Variants in AK9 observed in about 807,000 individuals in gnomAD.
AK9 encodes the protein adenylate kinase 9.
Under a neutral mutation model 239.6 loss-of-function variants are expected in AK9, and 191 were observed. The observed-to-expected ratio is 0.80, with a 90% CI of 0.71 to 0.90. The LOEUF is 0.90. Among genes scored for constraint, AK9 ranks in the 40% least tolerant of loss-of-function variants. The pLI, the probability that AK9 is intolerant of heterozygous loss-of-function variation, is 0.00. For synonymous variants in AK9, 689 were observed against 721.0 expected (o/e 0.96, Z 0.71); for missense variants, 1,995 against 2,214.7 (o/e 0.90, Z 1.99).
chr6:109,588,539 A>C (rs1789820554), intron 17 of AK9, among the ~76,000 whole-genome samples: 1 of 152,142 alleles, frequency 6.6e-6, no homozygotes, highest in African/African-American at 2.4e-5. Context: ...CTTCCATTAC[A>C]TAGATTCTCT....
In AK9 at chr6:109,640,577, AT is replaced by A. The variant is rs60569476; in HGVS notation, c.933+940del. Among the ~76,000 whole-genome samples, 1,229 of 149,492 alleles carry A rather than the reference AT, an allele frequency of 8.2e-3. 20 individuals are homozygous for A. Among genetic ancestry groups the A allele is most frequent in the African/African-American group, 0.028 (1,145 of 40,790 alleles). ...TTGGCCATCTTGGAACTCCACCCCAATTTTTTTTTTTTTTTATTTTTTGTAG... is the reference window on the plus strand; with the variant it reads ...TTGGCCATCTTGGAACTCCACCCCAATTTTTTTTTTTTTTATTTTTTGTAG... On this transcript the variant is annotated intron_variant, in intron 10 of 40. Transcript: ENST00000424296.
At chr6:109,680,956 C>T (rs1017859172) in intron 1 of AK9, among the ~76,000 whole-genome samples, 3 of 152,188 alleles carry the variant, frequency 2.0e-5, no homozygotes, top group South Asian at 2.1e-4. Context: ...AGGCACTAAA[C>T]GTGGAAAGGA....
At position 109,493,267 on chromosome 6, in the gene AK9, A is replaced by G. The variant is rs536992221; in HGVS notation, c.*102T>C. Reference sequence around the variant, plus strand: ...GCCATGGTACCTTGCTCAGGAGGCAAAAGTACTTCCAAGAGGCCCAGATTT... The same window carrying G: ...GCCATGGTACCTTGCTCAGGAGGCAGAAGTACTTCCAAGAGGCCCAGATTT... On this transcript the variant is annotated 3_prime_UTR_variant, in exon 41 of 41. Transcript: ENST00000424296. 128 of 1,259,418 alleles carry G rather than the reference A, an allele frequency of 1.0e-4. No homozygotes were observed. Among genetic ancestry groups the G allele is most frequent in the South Asian group, 7.3e-4 (52 of 71,178 alleles). 78.0% of individuals were successfully genotyped at this position (1,259,418 alleles called of 1,614,324 possible).
At chr6:109,616,405 C>CT (rs553775757) in intron 13 of AK9, among the ~76,000 whole-genome samples, 29 of 147,066 alleles carry the variant, frequency 2.0e-4, no homozygotes, top group South Asian at 4.3e-4. Context: ...TTTTTTCTTT[C>CT]TTTTTTTTTT....
At chr6:109,604,167 G>A (rs1005146546) in intron 17 of AK9, among the ~76,000 whole-genome samples, 58 of 152,254 alleles carry the variant, frequency 3.8e-4, no homozygotes, top group African/African-American at 1.3e-3. Context: ...CGTCATTCAC[G>A]CTGGGAGCTG....
At chr6:109,595,818 AG>A (rs1210969162) in intron 17 of AK9, among the ~76,000 whole-genome samples, 6 of 152,148 alleles carry the variant, frequency 3.9e-5, no homozygotes, top group African/African-American at 1.4e-4. Flanking sequence ...ACATGGACAC[AG>A]GGAGGGGAAC....
intron 27 of AK9, among the ~76,000 whole-genome samples, chr6:109,537,561 T>G (rs924420795): frequency 1.4e-5 from 2 of 139,730 alleles, no homozygotes; most frequent in African/African-American, 5.0e-5. Context: ...AAGCAGCTCT[T>G]GGATTCACTG....
Position 109,537,526 on chromosome 6 carries a change from T to TC in AK9, c.3351-4057dup, listed in dbSNP as rs1386075885. 2.2e-5 allele frequency among the ~76,000 whole-genome samples: 3 copies of TC among 138,958 alleles called. 1 individual carries two copies. Among genetic ancestry groups the TC allele is most frequent in the Non-Finnish European group, 4.9e-5 (3 of 60,854 alleles). 91.2% of individuals were successfully genotyped at this position (138,958 alleles called of 152,430 possible). On this transcript the variant is annotated intron_variant, in intron 27 of 40. Coordinates refer to ENST00000424296, the MANE Select transcript of AK9 (RefSeq NM_001145128.3). ...CTTCATTAGTCTTGCTAGCAGTCTA[T>TC]CAATTTTGTTGATCTTTTCAAAAAA...
intron 17 of AK9, among the ~76,000 whole-genome samples, chr6:109,589,207 G>A (rs1483257061): frequency 6.6e-6 from 1 of 152,090 alleles, no homozygotes; most frequent in Non-Finnish European, 1.5e-5. Flanking sequence ...TCTGATCCAT[G>A]AACATGGTAT....
At chr6:109,528,752 C>T (rs774248642) in intron 29 of AK9, 18 of 566,978 alleles carry the variant, frequency 3.2e-5, no homozygotes, top group South Asian at 2.7e-4. Flanking sequence ...CCTTGTTTGG[C>T]TGGACATTTT....
chr6:109,572,873 G>A lies in AK9; in HGVS notation c.2344+569C>T, dbSNP rs144417307. Among the ~76,000 whole-genome samples the A allele has an allele frequency of 2.2e-4, 34 of 152,244 alleles. No individual in the cohort carries two copies. In the East Asian group the frequency reaches 3.9e-3, roughly 17 times the overall value. On this transcript the variant is annotated intron_variant, in intron 21 of 40. Transcript: ENST00000424296. ...TTAAGCCCACTCTCTAGTCCTTGGAGTGGTTTTCATTGCCTATAGACTCCT... is the reference window on the plus strand; with the variant it reads ...TTAAGCCCACTCTCTAGTCCTTGGAATGGTTTTCATTGCCTATAGACTCCT...
intron 12 of AK9, among the ~76,000 whole-genome samples, chr6:109,620,595 C>T: frequency 6.6e-6 from 1 of 151,848 alleles, no homozygotes; most frequent in South Asian, 2.1e-4. Flanking sequence ...ATTTACAGAT[C>T]CCTATATTCC....
intron 17 of AK9, among the ~76,000 whole-genome samples, chr6:109,587,273 A>G (rs1486528996): frequency 6.6e-6 from 1 of 152,230 alleles, no homozygotes. Flanking sequence ...TTTTGAAACA[A>G]ATTTTCAAAC....
intron 27 of AK9, among the ~76,000 whole-genome samples, chr6:109,536,312 A>C (rs559573509): frequency 6.6e-6 from 1 of 152,144 alleles, no homozygotes; most frequent in African/African-American, 2.4e-5. Flanking sequence ...CTCCTTGAAG[A>C]GGTCCTTCAC....
At chr6:109,565,487 T>TAAA (rs752477568) in intron 21 of AK9, among the ~76,000 whole-genome samples, 67,485 of 145,460 alleles carry the variant, frequency 0.46, 15,914 homozygotes, top group South Asian at 0.58. Flanking sequence ...AAAAAAAAAT[T>TAAA]TTTTTTCAAG....
rs549294083 is a variant in AK9, at chr6:109,509,271, A to G, written c.4389T>C (p.Asn1463=). ...HPETELALML[N]WHLHKGMTAP... Reference sequence around the variant, plus strand: ...CTGTCATTCCTTTATGAAGATGCCAATTTAACATAAGTGCCAGCTCTGTTT... The same window carrying G: ...CTGTCATTCCTTTATGAAGATGCCAGTTTAACATAAGTGCCAGCTCTGTTT... Residue 1463 remains asparagine, a synonymous_variant, in exon 33 of 41, where the codon AAT becomes AAC. Transcript: ENST00000424296. 7 of 1,551,978 alleles carry G rather than the reference A, an allele frequency of 4.5e-6. No homozygotes were observed. Among genetic ancestry groups the G allele is most frequent in the African/African-American group, 2.7e-5 (2 of 73,164 alleles).
intron 12 of AK9, among the ~76,000 whole-genome samples, chr6:109,626,348 C>T (rs1454751694): frequency 6.6e-6 from 1 of 152,064 alleles, no homozygotes; most frequent in African/African-American, 2.4e-5. Flanking sequence ...GTAACGTTTT[C>T]CTGTTTCTTT....
chr6:109,521,139 T>C (rs1439486972), intron 29 of AK9, among the ~76,000 whole-genome samples: 3 of 152,126 alleles, frequency 2.0e-5, no homozygotes, highest in Non-Finnish European at 4.4e-5. Context: ...AGCCACATAG[T>C]ATTTCATAGT....
chr6:109,494,029 A>G lies in AK9; in HGVS notation c.5485T>C (p.Leu1829=), dbSNP rs1362264495. The change falls in exon 40 of 41, where the codon TTA becomes CTA. Residue 1829 remains leucine, a synonymous_variant. Transcript: ENST00000424296. ...AGCAGTGCAGATCTCCTTATACTTA[A>G]AAAGGGGAACTTGGGCTTTAAGCAT... The part of the protein sequence containing the change: ...AGCLKPKFPF[L]SIRRSALLYI... 2.5e-6 allele frequency: 4 copies of G among 1,613,428 alleles called. No homozygotes were observed. Among genetic ancestry groups the G allele is most frequent in the Middle Eastern group, 3.3e-4 (2 of 6,062 alleles).
Sources: gnomAD v4.1 joint callset for allele counts (sites outside exome capture counted in the v4.1 genomes callset) on GRCh38, gnomAD v4.1.1 for gene constraint, MANE v1.5 for transcripts, NCBI Gene and HGNC (gene_info 2026-07-23, HGNC 2026-07-21) for gene names.